Variants in FOXP1 observed in about 807,000 individuals in gnomAD.
FOXP1 encodes the protein forkhead box P1.
In FOXP1, 15 loss-of-function variants were observed where a neutral mutation model predicts 98.2. The observed-to-expected ratio is 0.15, with a 90% CI of 0.10 to 0.24. The LOEUF is 0.24. FOXP1 is among the 10% of genes least tolerant of loss of function. The pLI is 1.00. For synonymous variants in FOXP1, 371 were observed against 314.5 expected (o/e 1.18, Z -1.90); for missense variants, 633 against 848.5 (o/e 0.75, Z 3.15).
intron 4 of FOXP1, among the ~76,000 whole-genome samples, chr3:71,308,777 GT>G (rs2074471510): frequency 6.6e-6 from 1 of 150,576 alleles, no homozygotes; most frequent in Non-Finnish European, 1.5e-5. Context: ...GTGTGTGTGT[GT>G]GTGTGTGTGT....
intron 4 of FOXP1, among the ~76,000 whole-genome samples, chr3:71,326,567 TAGAA>T (rs1485986814): frequency 6.6e-6 from 1 of 151,956 alleles, no homozygotes; most frequent in Non-Finnish European, 1.5e-5. Context: ...TGTGAAAAAA[TAGAA>T]GGAAGGAAGG....
intron 2 of FOXP1, among the ~76,000 whole-genome samples, chr3:71,556,576 CAAAAAAAAAAAAAAA>C (rs757217111): frequency 6.7e-5 from 2 of 29,812 alleles, no homozygotes; most frequent in Non-Finnish European, 1.2e-4. Context: ...GACTCCGTCT[CAAAAAAAAAAAAAAA>C]AAAAAAAAAA....
intron 4 of FOXP1, chr3:71,334,862 GAACATACCT>G (rs1316271256): frequency 6.6e-6 from 1 of 152,218 alleles, no homozygotes; most frequent in Admixed American, 6.5e-5. Flanking sequence ...ACTGAGCACT[GAACATACCT>G]GTATTACTAA....
At chr3:71,438,255 G>T (rs1315415469) in intron 3 of FOXP1, among the ~76,000 whole-genome samples, 1 of 152,182 alleles carries the variant, frequency 6.6e-6, no homozygotes, top group Non-Finnish European at 1.5e-5. Flanking sequence ...CTGAATGAAT[G>T]AATGAATGAA....
In FOXP1 at chr3:71,172,498, A is replaced by C. The variant is rs1341247593; in HGVS notation, c.180+25704T>G. Among the ~76,000 whole-genome samples the C allele has an allele frequency of 2.6e-5, 4 of 152,206 alleles. No homozygotes were observed. The South Asian group carries it at 8.3e-4, about 31-fold the overall frequency. On this transcript the variant is annotated intron_variant, in intron 6 of 20. Transcript: ENST00000649528. ...CATTGCTTACCAGGCATTTTGACCT[A>C]TAACACTTCACTTGCTTCCTCTAAT... is the stretch of plus-strand genomic sequence containing the variant.
chr3:71,099,285 C>A (rs546908689), intron 7 of FOXP1, among the ~76,000 whole-genome samples: 17 of 152,134 alleles, frequency 1.1e-4, no homozygotes, highest in African/African-American at 4.1e-4. Context: ...CCGAGGTGGG[C>A]AAATCATTTG....
intron 3 of FOXP1, among the ~76,000 whole-genome samples, chr3:71,408,561 A>G (rs2082508207): frequency 6.6e-6 from 1 of 152,236 alleles, no homozygotes; most frequent in Non-Finnish European, 1.5e-5. Flanking sequence ...TTGCAATGGT[A>G]CAGCCAAGCA....
chr3:71,142,526 T>G (rs2060120081), intron 6 of FOXP1, among the ~76,000 whole-genome samples: 1 of 152,196 alleles, frequency 6.6e-6, no homozygotes, highest in Admixed American at 6.5e-5. Flanking sequence ...GTGCCCCTAC[T>G]GGCTTCACGA....
At chr3:71,418,945 A>AG (rs1207669250) in intron 3 of FOXP1, among the ~76,000 whole-genome samples, 2 of 151,138 alleles carry the variant, frequency 1.3e-5, no homozygotes, top group Non-Finnish European at 1.5e-5. Context: ...CAAAAAAAAA[A>AG]AAAAAAAGCC....
intron 3 of FOXP1, among the ~76,000 whole-genome samples, chr3:71,375,982 T>A (rs1013456611): frequency 1.3e-5 from 2 of 152,182 alleles, no homozygotes; most frequent in Non-Finnish European, 2.9e-5. Context: ...GGTTCTGATG[T>A]AAGATTCGTG....
At chr3:71,153,196 C>T (rs2060658271) in intron 6 of FOXP1, among the ~76,000 whole-genome samples, 2 of 152,182 alleles carry the variant, frequency 1.3e-5, no homozygotes, top group Non-Finnish European at 2.9e-5. Context: ...ACACCTGTGT[C>T]TCCCAACCCA....
At position 71,236,445 on chromosome 3, in the gene FOXP1, C is replaced by T. The variant is rs927469029; in HGVS notation, c.-11-38053G>A. 6.6e-5 allele frequency among the ~76,000 whole-genome samples: 10 copies of T among 152,224 alleles called. No individual in the cohort carries two copies. The East Asian group carries it at 1.2e-3, about 18-fold the overall frequency. On this transcript the variant is annotated intron_variant, in intron 5 of 20. Coordinates refer to ENST00000649528, the MANE Select transcript of FOXP1 (RefSeq NM_001349338.3). Reference sequence around the variant, plus strand: ...TTGAGCTACCACCCTCCAGCACCCACGATCTACCAGTCATCCTGTCTACAG... The same window carrying T: ...TTGAGCTACCACCCTCCAGCACCCATGATCTACCAGTCATCCTGTCTACAG...
intron 12 of FOXP1, among the ~76,000 whole-genome samples, chr3:71,011,774 G>A (rs2043678655): frequency 6.6e-6 from 1 of 152,134 alleles, no homozygotes; most frequent in African/African-American, 2.4e-5. Context: ...AACAGGAACT[G>A]AGAACATGTC....
chr3:70,972,544 G>T lies in FOXP1; in HGVS notation c.1652+11C>A, dbSNP rs1215545971. 6.2e-7 allele frequency: 1 copy of T among 1,614,160 alleles called. No individual in the cohort carries two copies. Among genetic ancestry groups the T allele is most frequent in the Non-Finnish European group, 8.5e-7 (1 of 1,180,006 alleles). On this transcript the variant is annotated intron_variant, in intron 18 of 20. Coordinates refer to ENST00000649528, the MANE Select transcript of FOXP1 (RefSeq NM_001349338.3). Reference sequence around the variant, plus strand: ...AAGCTAGGCTAAGAAGTTCAAACATGGTGGACGTACCCACTGATCTTTTGT... The same window carrying T: ...AAGCTAGGCTAAGAAGTTCAAACATTGTGGACGTACCCACTGATCTTTTGT...
chr3:71,122,802 C>T (rs1356851213), intron 6 of FOXP1, among the ~76,000 whole-genome samples: 1 of 152,104 alleles, frequency 6.6e-6, no homozygotes, highest in Non-Finnish European at 1.5e-5. Context: ...AAAACAAAAA[C>T]GAACAAAACA....
chr3:71,513,972 A>T (rs1485082032), intron 2 of FOXP1, among the ~76,000 whole-genome samples: 1 of 152,200 alleles, frequency 6.6e-6, no homozygotes, highest in Non-Finnish European at 1.5e-5. Context: ...TGTCTAATAA[A>T]ATCCTCAAAC....
intron 11 of FOXP1, among the ~76,000 whole-genome samples, chr3:71,027,002 G>C (rs1305175081): frequency 1.3e-5 from 2 of 152,202 alleles, no homozygotes; most frequent in African/African-American, 4.8e-5. Flanking sequence ...GGGCTATTCT[G>C]AGTTTGTAAC....
At chr3:71,164,874 C>G (rs995712569) in intron 6 of FOXP1, among the ~76,000 whole-genome samples, 1 of 152,084 alleles carries the variant, frequency 6.6e-6, no homozygotes, top group South Asian at 2.1e-4. Flanking sequence ...TACATTCCAG[C>G]GCATTATACT....
chr3:71,157,205 G>C (rs1444044229), intron 6 of FOXP1, among the ~76,000 whole-genome samples: 1 of 152,202 alleles, frequency 6.6e-6, no homozygotes, highest in Non-Finnish European at 1.5e-5. Flanking sequence ...TTTCAAACAT[G>C]TTTTTGGAGT....
Sources: gnomAD v4.1 joint callset for allele counts (sites outside exome capture counted in the v4.1 genomes callset) on GRCh38, gnomAD v4.1.1 for gene constraint, MANE v1.5 for transcripts, NCBI Gene and HGNC (gene_info 2026-07-23, HGNC 2026-07-21) for gene names.